Variants in KLHDC4 observed in about 807,000 individuals in gnomAD.
KLHDC4 encodes the protein kelch domain-containing protein 4.
Under a neutral mutation model 62.4 loss-of-function variants are expected in KLHDC4, and 90 were observed. The observed-to-expected ratio is 1.44, with a 90% confidence interval of 1.22 to 1.72. KLHDC4 has a LOEUF of 1.72. KLHDC4 is among the 40% of genes most tolerant of loss of function. The pLI is 0.00. For synonymous variants in KLHDC4, 386 were observed against 284.4 expected (o/e 1.36, Z -3.59); for missense variants, 1,025 against 699.7 (o/e 1.47, Z -5.25).
chr16:87,755,423 G>A, intron 3 of KLHDC4, 131 bp from the exon 4 acceptor site: 2 of 565,948 alleles, frequency 3.5e-6, no homozygotes, highest in Non-Finnish European at 6.4e-6. Flanking sequence ...CCAGCACAGG[G>A]AGGCCATGGG....
At chr16:87,745,048 T>C (rs976510735) in intron 5 of KLHDC4, among the ~76,000 whole-genome samples, 1 of 152,234 alleles carries the variant, frequency 6.6e-6, no homozygotes, top group Admixed American at 6.5e-5. Flanking sequence ...CTGCATCCTG[T>C]TTTTTGTATA....
At chr16:87,701,704 C>T (rs769137622) in exon 1 of KLHDC4, 1 of 456,810 alleles carries the variant, frequency 2.2e-6, no homozygotes, top group Non-Finnish European at 4.4e-6. Flanking sequence ...TCAGACACAC[C>T]CTTCTCGTGC....
chr16:87,718,941 TC>T (rs973717999), intron 7 of KLHDC4, among the ~76,000 whole-genome samples: 11 of 144,454 alleles, frequency 7.6e-5, no homozygotes, highest in African/African-American at 2.9e-4. Context: ...GTGAGGAGCG[TC>T]TCTGCCCGGC....
At chr16:87,751,550 T>A (rs770177145) in intron 4 of KLHDC4, among the ~76,000 whole-genome samples, 100 of 152,082 alleles carry the variant, frequency 6.6e-4, no homozygotes, top group African/African-American at 2.3e-3. Context: ...TTAGGGAGAA[T>A]AGACAATGGA....
chr16:87,724,444 AG>A (rs1597503367), intron 7 of KLHDC4, among the ~76,000 whole-genome samples: 1 of 152,218 alleles, frequency 6.6e-6, no homozygotes, highest in African/African-American at 2.4e-5. Flanking sequence ...CACTACTGGG[AG>A]GGTATTTGTA....
intron 7 of KLHDC4, among the ~76,000 whole-genome samples, chr16:87,716,259 A>G (rs559211066): frequency 3.6e-5 from 5 of 140,514 alleles, no homozygotes; most frequent in East Asian, 2.1e-4. Context: ...GGATACTGAC[A>G]TAGACTTTGG....
At chr16:87,709,704 C>T in intron 9 of KLHDC4, 37 bp from the exon 10 acceptor site, 1 of 1,524,892 alleles carries the variant, frequency 6.6e-7, no homozygotes. Context: ...GCAGCAGCTT[C>T]AGCGAGGCAG....
chr16:87,755,870 T>G (rs942066871), intron 3 of KLHDC4: 2 of 162,864 alleles, frequency 1.2e-5, no homozygotes, highest in African/African-American at 4.8e-5. Flanking sequence ...CAGTCAAGCC[T>G]AGTTTCTAAA....
chr16:87,714,398 G>A (rs1567671577), intron 8 of KLHDC4, 100 bp downstream of exon 8: 2 of 1,478,992 alleles, frequency 1.4e-6, no homozygotes, highest in African/African-American at 1.4e-5. Context: ...GCAGGGTGCA[G>A]GGGCTCACCG....
At chr16:87,732,136 C>A (rs1448271508) in intron 5 of KLHDC4, among the ~76,000 whole-genome samples, 1 of 146,268 alleles carries the variant, frequency 6.8e-6, no homozygotes, top group Non-Finnish European at 1.5e-5. Flanking sequence ...TTCATTCTTG[C>A]CCAGGCCGGA....
intron 1 of KLHDC4, chr16:87,765,194 T>C (rs1448198013): frequency 4.4e-6 from 2 of 455,938 alleles, no homozygotes; most frequent in South Asian, 1.5e-5. Context: ...CGGATCCTCC[T>C]GCAGACCCCG....
intron 4 of KLHDC4, among the ~76,000 whole-genome samples, chr16:87,749,965 C>T (rs2043665175): frequency 6.6e-6 from 1 of 152,186 alleles, no homozygotes; most frequent in South Asian, 2.1e-4. Flanking sequence ...CTGGGCCACA[C>T]ACGGCAAAGC....
downstream of KLHDC4, among the ~76,000 whole-genome samples, chr16:87,706,510 T>C (rs910830194): frequency 1.3e-5 from 2 of 152,140 alleles, no homozygotes; most frequent in African/African-American, 2.4e-5. Context: ...CTCACTCCTG[T>C]CAGCACTGCC....
downstream of KLHDC4, chr16:87,707,761 G>C: frequency 3.1e-6 from 1 of 323,652 alleles, no homozygotes. Flanking sequence ...CAGAGGCCCC[G>C]GGAAGACTGC....
chr16:87,729,570 T>C (rs1480931232), intron 6 of KLHDC4, among the ~76,000 whole-genome samples: 3 of 152,236 alleles, frequency 2.0e-5, no homozygotes, highest in African/African-American at 7.2e-5. Context: ...TTTTCTGGAC[T>C]GAACTAAGTA....
chr16:87,707,890 TC>T lies in KLHDC4; in HGVS notation c.*186del, dbSNP rs1442440508. On this transcript the variant is annotated 3_prime_UTR_variant, in exon 12 of 12. Coordinates refer to ENST00000270583, the MANE Select transcript of KLHDC4 (RefSeq NM_017566.4). ...CACCTGCACTGCACTCAGTTGAACT[TC>T]CGGCCCAGTGCCGCGTCAGAGACTA... is the stretch of plus-strand genomic sequence containing the variant. The T allele has an allele frequency of 2.2e-6, 1 of 453,234 alleles. No individual in the cohort carries two copies. Among genetic ancestry groups the T allele is most frequent in the Admixed American group, 2.4e-5 (1 of 42,302 alleles). 28.1% of individuals were successfully genotyped at this position (453,234 alleles called of 1,614,324 possible).
At position 87,760,703 on chromosome 16, in the gene KLHDC4, A is replaced by G. The variant is rs2143447010; in HGVS notation, c.191+1246T>C. 1.3e-5 allele frequency among the ~76,000 whole-genome samples: 2 copies of G among 152,044 alleles called. 1 individual carries two copies. The highest frequency in any genetic ancestry group is 4.1e-4 in the South Asian group (2 of 4,820). On this transcript the variant is annotated intron_variant, in intron 2 of 11. Coordinates refer to ENST00000270583, the MANE Select transcript of KLHDC4 (RefSeq NM_017566.4). ...GAGTGCTATATATCAGAAGCCTAAG[A>G]TCAAGGATTTATTTGCTCCAATAAC... is the stretch of plus-strand genomic sequence containing the variant.
chr16:87,723,106 A>G (rs1180262621), intron 7 of KLHDC4, among the ~76,000 whole-genome samples: 1 of 152,202 alleles, frequency 6.6e-6, no homozygotes, highest in Non-Finnish European at 1.5e-5. Context: ...CCCAGCCCCA[A>G]GCTCAGGTAC....
chr16:87,726,827 C>T lies in KLHDC4; in HGVS notation c.697G>A (p.Gly233Ser). Reference protein sequence around the residue: ...PSGTGPTPRSGCQMSVTPQGG... With the variant: ...PSGTGPTPRSSCQMSVTPQGG... ...TGGGGAGTGACGGACATCTGGCAGC[C>T]TGATCTGGGTGTGGGCCCCGTCCCT... Residue 233 changes from glycine (G) to serine (S), a missense_variant, in exon 7 of 12, where the codon GGC becomes AGC. Gly to Ser is a moderately conservative substitution (Grantham distance 56). Transcript: ENST00000270583. 3.7e-6 allele frequency: 6 copies of T among 1,611,996 alleles called. No individual in the cohort carries two copies. Among genetic ancestry groups the T allele is most frequent in the Non-Finnish European group, 5.1e-6 (6 of 1,179,258 alleles).
Sources: allele counts gnomAD v4.1 joint callset (sites outside exome capture counted in the v4.1 genomes callset), GRCh38; gene constraint gnomAD v4.1.1; transcripts MANE v1.5; gene names NCBI Gene and HGNC (gene_info 2026-07-23, HGNC 2026-07-21).